WDPCP: variants seen among roughly 807,000 people sequenced by gnomAD.
The protein encoded by WDPCP is WD repeat containing planar cell polarity effector, also known as WD repeat-containing and planar cell polarity effector protein fritz homolog.
Under a neutral mutation model 93.1 loss-of-function variants are expected in WDPCP, and 71 were observed. That is an observed-to-expected ratio of 0.76 (90% CI 0.63 to 0.93). The LOEUF is 0.93. Ranked by LOEUF, WDPCP falls within the 40% of genes least tolerant of loss-of-function variation. The probability of loss-of-function intolerance (pLI) is 0.00; values close to 1 mark genes in which losing one functional copy is unlikely to be tolerated. For missense variants in WDPCP, 844 were observed against 887.4 expected (o/e 0.95, Z 0.62); for synonymous variants, 315 against 315.0 (o/e 1.00, Z 0.00).
intron 2 of WDPCP, among the ~76,000 whole-genome samples, chr2:63,672,932 A>G (rs1354099387): frequency 6.6e-6 from 1 of 151,854 alleles, no homozygotes; most frequent in Non-Finnish European, 1.5e-5. Flanking sequence ...TTTTGTAGGT[A>G]CAGGGTGGGG....
At chr2:63,782,192 A>T (rs1311146163) in intron 2 of WDPCP, among the ~76,000 whole-genome samples, 1 of 152,210 alleles carries the variant, frequency 6.6e-6, no homozygotes, top group Non-Finnish European at 1.5e-5. Flanking sequence ...TAAACGTAAG[A>T]CTTGAAACTA....
chr2:63,373,241 T>A (rs1213482743), intron 12 of WDPCP, among the ~76,000 whole-genome samples: 1 of 133,558 alleles, frequency 7.5e-6, no homozygotes, highest in African/African-American at 2.8e-5. Flanking sequence ...TTCTTTGTTT[T>A]CATTTTTTTG....
At chr2:63,622,787 C>T (rs1709760710) in intron 3 of WDPCP, 1 of 1,612,624 alleles carries the variant, frequency 6.2e-7, no homozygotes. Context: ...ACACTTGGTC[C>T]CAGGAACTCC....
chr2:63,369,518 T>TA, intron 12 of WDPCP: 1 of 456,464 alleles, frequency 2.2e-6, no homozygotes, highest in Non-Finnish European at 4.4e-6. Flanking sequence ...ATGAGAGTAA[T>TA]AAACAATTCC....
At chr2:63,655,605 C>T (rs1443015684) in intron 2 of WDPCP, among the ~76,000 whole-genome samples, 1 of 152,040 alleles carries the variant, frequency 6.6e-6, no homozygotes, top group Non-Finnish European at 1.5e-5. Context: ...CTACTTCTGT[C>T]CTCTGTCTGT....
intron 17 of WDPCP, among the ~76,000 whole-genome samples, chr2:63,146,808 T>A (rs1671546510): frequency 6.6e-6 from 1 of 152,200 alleles, no homozygotes; most frequent in South Asian, 2.1e-4. Context: ...AAAAATAAGA[T>A]GGATTGATAA....
intron 17 of WDPCP, among the ~76,000 whole-genome samples, chr2:63,149,642 C>T (rs1265191596): frequency 2.6e-5 from 4 of 152,152 alleles, no homozygotes; most frequent in Non-Finnish European, 5.9e-5. Flanking sequence ...CGGTGAAATA[C>T]TATAGGCAGT....
intron 2 of WDPCP, among the ~76,000 whole-genome samples, chr2:63,758,094 GTT>G (rs76567414): frequency 3.5e-5 from 5 of 141,800 alleles, no homozygotes; most frequent in Middle Eastern, 3.6e-3. Flanking sequence ...AGTGTTGTTG[GTT>G]TTTTTTTTTT....
At chr2:63,195,363 A>T (rs374064580) in intron 14 of WDPCP, among the ~76,000 whole-genome samples, 3 of 152,192 alleles carry the variant, frequency 2.0e-5, no homozygotes, top group African/African-American at 7.2e-5. Context: ...AATCTCTCAG[A>T]TTGTTGGAAG....
At chr2:63,705,318 A>G (rs1031432586) in intron 2 of WDPCP, among the ~76,000 whole-genome samples, 3 of 151,974 alleles carry the variant, frequency 2.0e-5, no homozygotes, top group Admixed American at 1.3e-4. Context: ...CTCTGATCTT[A>G]GTTATTTCTT....
intron 17 of WDPCP, among the ~76,000 whole-genome samples, chr2:63,125,559 C>G (rs1468967830): frequency 6.6e-6 from 1 of 152,186 alleles, no homozygotes; most frequent in African/African-American, 2.4e-5. Flanking sequence ...TCCAAAGGAG[C>G]TGGGACTGTA....
At chr2:63,205,332 A>C (rs1198952768) in intron 14 of WDPCP, among the ~76,000 whole-genome samples, 1 of 152,066 alleles carries the variant, frequency 6.6e-6, no homozygotes, top group Admixed American at 6.6e-5. Context: ...GTTCCATGTA[A>C]ATTTTAGGAT....
At chr2:63,314,396 A>T (rs187862760) in intron 12 of WDPCP, among the ~76,000 whole-genome samples, 1 of 152,112 alleles carries the variant, frequency 6.6e-6, no homozygotes, top group Non-Finnish European at 1.5e-5. Context: ...TCTCAAATTC[A>T]TGGGCTCAAG....
intron 2 of WDPCP, among the ~76,000 whole-genome samples, chr2:63,659,151 T>C (rs1430295299): frequency 6.6e-6 from 1 of 152,244 alleles, no homozygotes; most frequent in Non-Finnish European, 1.5e-5. Context: ...AGCTAAATTG[T>C]GGCCAGAAAT....
chr2:63,336,815 A>G (rs12623618), intron 12 of WDPCP, among the ~76,000 whole-genome samples: 1 of 149,486 alleles, frequency 6.7e-6, no homozygotes, highest in East Asian at 2.0e-4. Flanking sequence ...TTATATATAT[A>G]TTTTTCCCCT....
At chr2:63,421,740 C>T (rs1344415268) in intron 9 of WDPCP, among the ~76,000 whole-genome samples, 13 of 152,024 alleles carry the variant, frequency 8.6e-5, no homozygotes, top group Admixed American at 8.5e-4. Context: ...AAGGGCAAAA[C>T]CCAAAACCTA....
At chr2:63,645,663 T>A (rs189910993) in intron 3 of WDPCP, among the ~76,000 whole-genome samples, 1 of 152,246 alleles carries the variant, frequency 6.6e-6, no homozygotes, top group Non-Finnish European at 1.5e-5. Flanking sequence ...TAATAATATT[T>A]GCTTTATATA....
chr2:63,704,419 T>C (rs1431451304), intron 2 of WDPCP, among the ~76,000 whole-genome samples: 2 of 152,240 alleles, frequency 1.3e-5, no homozygotes, highest in African/African-American at 4.8e-5. Context: ...CCATTCAGTA[T>C]GATATTGGCT....
chr2:63,493,890 A>T (rs1701045786), intron 1 of WDPCP, among the ~76,000 whole-genome samples: 3 of 152,204 alleles, frequency 2.0e-5, no homozygotes, highest in African/African-American at 7.2e-5. Context: ...AAACTTCCGA[A>T]TGACAAAGTT....
Sources: allele counts gnomAD v4.1 joint callset (sites outside exome capture counted in the v4.1 genomes callset), GRCh38; gene constraint gnomAD v4.1.1; transcripts MANE v1.5; gene names NCBI Gene and HGNC (gene_info 2026-07-23, HGNC 2026-07-21).